The following EGFR variants were observed in gnomAD, a reference collection of about 807,000 sequenced individuals.
EGFR encodes the protein epidermal growth factor receptor, also known as avian erythroblastic leukemia viral (v-erb-b) oncogene homolog.
A neutral mutation model predicts 143.0 loss-of-function variants in EGFR; 58 were observed. That is an observed-to-expected ratio of 0.41 (90% CI 0.33 to 0.50). The LOEUF (loss-of-function observed/expected upper bound fraction) is 0.50. EGFR is among the 20% of genes least tolerant of loss of function. The pLI, the probability that EGFR is intolerant of heterozygous loss-of-function variation, is 0.39. For missense variants in EGFR, 1,307 were observed against 1,579.0 expected, an observed-to-expected ratio of 0.83 and a Z score of 2.92; for synonymous variants, 613 against 594.4, an observed-to-expected ratio of 1.03 and a Z score of -0.45.
intron 1 of EGFR, among the ~76,000 whole-genome samples, chr7:55,024,044 G>A (rs963345937): frequency 1.9e-4 from 29 of 152,180 alleles, no homozygotes; most frequent in African/African-American, 6.3e-4. Context: ...TAGTTTGCCT[G>A]TAATTTTCAC....
chr7:55,205,354 C>A lies in EGFR; in HGVS notation c.3370C>A (p.His1124Asn), dbSNP rs1788066795. ...GAACCCCGCGCCCAGCAGAGACCCACACTACCAGGACCCCCACAGCACTGC... is the reference window on the plus strand; with the variant it reads ...GAACCCCGCGCCCAGCAGAGACCCAAACTACCAGGACCCCCACAGCACTGC... ...PLNPAPSRDP[H>N]YQDPHSTAVG... The change falls in exon 28 of 28, where the codon CAC (histidine) becomes AAC (asparagine). Residue 1124 changes from histidine to asparagine, a missense_variant. His to Asn is a moderately conservative substitution (Grantham distance 68, BLOSUM62 1). This residue lies in a region of EGFR where 313 missense variants were observed against 312.3 expected (regional missense o/e 1.00). Coordinates refer to ENST00000275493, the MANE Select transcript of EGFR (RefSeq NM_005228.5). 6.2e-7 allele frequency: 1 copy of A among 1,613,150 alleles called. No homozygotes were observed. Among genetic ancestry groups the A allele is most frequent in the Non-Finnish European group, 8.5e-7 (1 of 1,179,306 alleles).
chr7:55,165,302 G>A lies in EGFR; in HGVS notation c.1745G>A (p.Cys582Tyr), dbSNP rs2128946128. Residue 582 changes from cysteine to tyrosine, a missense_variant, in exon 15 of 28, where the codon TGT (cysteine) becomes TAT (tyrosine). By Grantham distance (194) the Cys-to-Tyr change is radical. Coordinates refer to ENST00000275493, the MANE Select transcript of EGFR (RefSeq NM_005228.5). ...TGRGPDNCIQ[C>Y]AHYIDGPHCV... ...CAGGGACCAGACAACTGTATCCAGT[G>A]TGCCCACTACATTGACGGCCCCCAC... The A allele has an allele frequency of 1.2e-6, 2 of 1,614,168 alleles. No homozygotes were observed. Among genetic ancestry groups the A allele is most frequent in the Non-Finnish European group, 1.7e-6 (2 of 1,180,036 alleles).
intron 1 of EGFR, among the ~76,000 whole-genome samples, chr7:55,042,974 A>G (rs996494426): frequency 5.9e-5 from 9 of 152,128 alleles, no homozygotes; most frequent in African/African-American, 1.7e-4. Context: ...TATGTCTTGA[A>G]GTTATAAAGC....
Position 55,178,233 on chromosome 7 carries a change from T to C in EGFR, c.2284-3060T>C, listed in dbSNP as rs1786690185. On this transcript the variant is annotated intron_variant, in intron 19 of 27. Coordinates refer to ENST00000275493, the MANE Select transcript of EGFR (RefSeq NM_005228.5). ...AGGAAGAGCCAGAGGGTTTCTTTGG[T>C]GTTATGGTTGTACAGCTTCCCAGAC... Among the ~76,000 whole-genome samples, 3 of 152,202 alleles carry C rather than the reference T, an allele frequency of 2.0e-5. No homozygotes were observed. In the South Asian group the frequency reaches 6.2e-4, roughly 31 times the overall value.
intron 20 of EGFR, among the ~76,000 whole-genome samples, chr7:55,187,621 G>C (rs758047923): frequency 6.6e-6 from 1 of 152,242 alleles, no homozygotes; most frequent in Non-Finnish European, 1.5e-5. Context: ...AAGGTGGCAA[G>C]CTGGCCTGAG....
chr7:55,154,276 G>A (rs1785302295), intron 7 of EGFR, 124 bp downstream of exon 7: 1 of 1,466,662 alleles, frequency 6.8e-7, no homozygotes, highest in Non-Finnish European at 9.3e-7. Flanking sequence ...TTGCTTGGAG[G>A]AGGCGACCCT....
intron 2 of EGFR, among the ~76,000 whole-genome samples, 182 bp downstream of exon 2, chr7:55,142,619 A>G (rs923341043): frequency 2.6e-5 from 4 of 152,250 alleles, no homozygotes; most frequent in Non-Finnish European, 5.9e-5. Context: ...TAATAACTAG[A>G]AAAGGATATC....
chr7:55,161,294 G>A (rs993996741), intron 12 of EGFR, among the ~76,000 whole-genome samples: 1 of 152,246 alleles, frequency 6.6e-6, no homozygotes, highest in South Asian at 2.1e-4. Context: ...AGTCTTCCCA[G>A]CAGCCAGCAC....
At chr7:55,159,056 T>A (rs991526367) in intron 11 of EGFR, among the ~76,000 whole-genome samples, 5 of 152,158 alleles carry the variant, frequency 3.3e-5, no homozygotes, top group African/African-American at 1.2e-4. Context: ...CAAATGCAGA[T>A]CTCTTTCCTG....
At position 55,198,854 on chromosome 7, in the gene EGFR, A is replaced by G. The variant is rs368698152; in HGVS notation, c.2839A>G (p.Met947Val). Residue 947 changes from methionine (M) to valine (V), a missense_variant, in exon 23 of 28, where the codon ATG (methionine) becomes GTG (valine). By Grantham distance (21) the Met-to-Val change is conservative (BLOSUM62 1). Coordinates refer to ENST00000275493, the MANE Select transcript of EGFR (RefSeq NM_005228.5). ...PICTIDVYMI[M>V]VKCWMIDADS... ...ATGTACCATCGATGTCTACATGATC[A>G]TGGTCAAGTGTGAGTGACTGGTGGG... The G allele has an allele frequency of 7.4e-6, 12 of 1,614,096 alleles. No individual in the cohort carries two copies. Among genetic ancestry groups the G allele is most frequent in the Non-Finnish European group, 1.0e-5 (12 of 1,180,042 alleles).
chr7:55,164,531 G>A (rs1432406236), intron 14 of EGFR, among the ~76,000 whole-genome samples: 2 of 152,220 alleles, frequency 1.3e-5, no homozygotes, highest in Non-Finnish European at 2.9e-5. Context: ...TTATAGGTTT[G>A]CATGGTGTTG....
chr7:55,059,798 A>T (rs1183069233), intron 1 of EGFR, among the ~76,000 whole-genome samples: 5 of 152,192 alleles, frequency 3.3e-5, no homozygotes, highest in Non-Finnish European at 4.4e-5. Flanking sequence ...TGCAGGAAAA[A>T]TCAATCAGTC....
At chr7:55,110,714 A>C (rs1792428254) in intron 1 of EGFR, among the ~76,000 whole-genome samples, 1 of 152,092 alleles carries the variant, frequency 6.6e-6, no homozygotes, top group South Asian at 2.1e-4. Flanking sequence ...AATTTCAAAT[A>C]TTGCTTTTCA....
intron 1 of EGFR, among the ~76,000 whole-genome samples, chr7:55,035,086 C>T (rs1583875428): frequency 1.3e-5 from 2 of 152,132 alleles, no homozygotes; most frequent in East Asian, 3.9e-4. Context: ...GGCCTTCGAG[C>T]TTAACACATA....
intron 1 of EGFR, among the ~76,000 whole-genome samples, chr7:55,124,720 A>G (rs1793420077): frequency 6.6e-6 from 1 of 152,142 alleles, no homozygotes; most frequent in East Asian, 1.9e-4. Context: ...AAGACCAGAC[A>G]CTATCTCAGG....
chr7:55,192,766 G>A lies in EGFR; in HGVS notation c.2626G>A (p.Val876Met), dbSNP rs2128965473. The A allele has an allele frequency of 6.2e-7, 1 of 1,613,966 alleles. No individual in the cohort carries two copies. Among genetic ancestry groups the A allele is most frequent in the South Asian group, 1.1e-5 (1 of 91,062 alleles). Residue 876 changes from valine (V) to methionine (M), a missense_variant and splice_region_variant, in exon 22 of 28, where the codon GTG (valine) becomes ATG (methionine). Coordinates refer to ENST00000275493, the MANE Select transcript of EGFR (RefSeq NM_005228.5). The stretch of plus-strand genomic sequence containing the variant: ...CTGCCTCATCTCTCACCATCCCAAG[G>A]TGCCTATCAAGTGGATGGCATTGGA... ...EKEYHAEGGK[V>M]PIKWMALESI...
chr7:55,074,286 C>T (rs1236032964), intron 1 of EGFR, among the ~76,000 whole-genome samples: 2 of 152,210 alleles, frequency 1.3e-5, no homozygotes, highest in Non-Finnish European at 2.9e-5. Flanking sequence ...TTCGGAAGGA[C>T]CACATGTTCA....
At chr7:55,127,360 T>A (rs1035792850) in intron 1 of EGFR, among the ~76,000 whole-genome samples, 20 of 152,194 alleles carry the variant, frequency 1.3e-4, no homozygotes, top group African/African-American at 4.8e-4. Flanking sequence ...TTAGTAATTC[T>A]AAAAATTGAT....
At chr7:55,145,258 C>T (rs977028899) in intron 3 of EGFR, among the ~76,000 whole-genome samples, 3 of 152,222 alleles carry the variant, frequency 2.0e-5, no homozygotes, top group African/African-American at 7.2e-5. Context: ...GCTGCCACAG[C>T]AGCCTGGACA....
Sources: allele counts gnomAD v4.1 joint callset (sites outside exome capture counted in the v4.1 genomes callset), GRCh38; gene constraint gnomAD v4.1.1; regional missense constraint gnomAD v4.1.1; transcripts MANE v1.5; gene names NCBI Gene and HGNC (gene_info 2026-07-23, HGNC 2026-07-21).